The following WDPCP variants were observed in gnomAD, a reference collection of about 807,000 sequenced individuals.
WDPCP encodes WD repeat-containing and planar cell polarity effector protein fritz homolog.
In WDPCP, 71 loss-of-function variants were observed where a neutral mutation model predicts 93.1. That is an observed-to-expected ratio of 0.76 (90% confidence interval 0.63 to 0.93). The LOEUF is 0.93. Ranked by LOEUF, WDPCP falls within the 40% of genes least tolerant of loss-of-function variation. WDPCP has a pLI of 0.00. For missense variants in WDPCP, 844 were observed against 887.4 expected (o/e 0.95, Z 0.62); for synonymous variants, 315 against 315.0 (o/e 1.00, Z 0.00).
At chr2:63,329,074 A>G (rs1354795220) in intron 12 of WDPCP, among the ~76,000 whole-genome samples, 1 of 152,192 alleles carries the variant, frequency 6.6e-6, no homozygotes, top group Non-Finnish European at 1.5e-5. Flanking sequence ...CCCTATTAGC[A>G]AATTTTTAAG....
intron 2 of WDPCP, among the ~76,000 whole-genome samples, chr2:63,693,130 G>A (rs1030358714): frequency 6.6e-6 from 1 of 152,256 alleles, no homozygotes; most frequent in East Asian, 1.9e-4. Flanking sequence ...AATTCCAGTG[G>A]TCTTCCATGC....
chr2:63,652,616 T>A (rs896281576), intron 2 of WDPCP, among the ~76,000 whole-genome samples: 1 of 152,218 alleles, frequency 6.6e-6, no homozygotes, highest in South Asian at 2.1e-4. Context: ...GCTTGATCAC[T>A]TCTAAAATGT....
intron 15 of WDPCP, among the ~76,000 whole-genome samples, chr2:63,157,816 T>C (rs1672360667): frequency 6.6e-6 from 1 of 152,136 alleles, no homozygotes. Flanking sequence ...GTTGATCTTT[T>C]CAAACAGGCT....
Position 63,356,896 on chromosome 2 carries a change from TA to T in WDPCP, c.1748+21489del, listed in dbSNP as rs547365582. Among the ~76,000 whole-genome samples, 25 of 152,198 alleles carry T rather than the reference TA, an allele frequency of 1.6e-4. No individual in the cohort carries two copies. In the East Asian group the frequency reaches 4.8e-3, roughly 29 times the overall value. ...AAGTATACTACAGGGCTATAGTAAC[TA>T]AAACAGCGTGCTACTGGTATAAAAA... On this transcript the variant is annotated intron_variant, in intron 12 of 17. Coordinates refer to ENST00000272321, the MANE Select transcript of WDPCP (RefSeq NM_015910.7).
chr2:63,266,049 C>G (rs547541836), intron 13 of WDPCP, among the ~76,000 whole-genome samples: 31 of 152,250 alleles, frequency 2.0e-4, no homozygotes, highest in African/African-American at 7.5e-4. Flanking sequence ...CAGCTAATGT[C>G]ATACTCATTT....
chr2:63,734,906 C>CAGACAGAT (rs1553453384), intron 2 of WDPCP, among the ~76,000 whole-genome samples: 749 of 147,968 alleles, frequency 5.1e-3, no homozygotes, highest in Middle Eastern at 0.021. Context: ...GACAGACAGA[C>CAGACAGAT]AGATAGATAG....
At chr2:63,589,551 G>T (rs576305874), upstream of WDPCP, among the ~76,000 whole-genome samples, 1 of 152,250 alleles carries the variant, frequency 6.6e-6, no homozygotes, top group East Asian at 1.9e-4. Context: ...ACGTGTTTCC[G>T]CCATATCTAA....
chr2:63,693,440 T>TAGATAGATAGAC (rs1235052772), intron 2 of WDPCP, among the ~76,000 whole-genome samples: 1 of 15,348 alleles, frequency 6.5e-5, no homozygotes. Context: ...ATATAGATAT[T>TAGATAGATAGAC]AGATAGATAG....
At chr2:63,445,589 A>G (rs1363249183) in intron 6 of WDPCP, among the ~76,000 whole-genome samples, 1 of 152,222 alleles carries the variant, frequency 6.6e-6, no homozygotes, top group East Asian at 1.9e-4. Context: ...GACAAAAAAG[A>G]AAAAGAGCAC....
intron 13 of WDPCP, among the ~76,000 whole-genome samples, chr2:63,267,013 C>A (rs1480776279): frequency 6.6e-6 from 1 of 151,790 alleles, no homozygotes; most frequent in Non-Finnish European, 1.5e-5. Context: ...CCAGATAATA[C>A]CCTAGAGAGC....
chr2:63,671,483 C>T (rs1370225323), intron 2 of WDPCP, among the ~76,000 whole-genome samples: 4 of 152,096 alleles, frequency 2.6e-5, no homozygotes, highest in East Asian at 1.9e-4. Flanking sequence ...CTTTATTAGC[C>T]GATGCTCACC....
intron 14 of WDPCP, among the ~76,000 whole-genome samples, chr2:63,247,845 C>A (rs1462065885): frequency 6.6e-6 from 1 of 151,748 alleles, no homozygotes; most frequent in Non-Finnish European, 1.5e-5. Flanking sequence ...TTTTGTTACT[C>A]ATTTCCTCCA....
intron 14 of WDPCP, among the ~76,000 whole-genome samples, chr2:63,218,455 CTTAAAG>C (rs1303299288): frequency 1.3e-5 from 2 of 152,060 alleles, no homozygotes; most frequent in Non-Finnish European, 2.9e-5. Flanking sequence ...TGTTTAATAT[CTTAAAG>C]TTAAATTGGA....
chr2:63,435,036 T>C (rs1278856796), intron 8 of WDPCP, among the ~76,000 whole-genome samples: 1 of 152,184 alleles, frequency 6.6e-6, no homozygotes, highest in Non-Finnish European at 1.5e-5. Context: ...AGGAACCCTT[T>C]TCTATTTGCA....
At chr2:63,623,510 G>GAA (rs1298405445) in intron 3 of WDPCP, among the ~76,000 whole-genome samples, 4 of 124,930 alleles carry the variant, frequency 3.2e-5, no homozygotes, top group Non-Finnish European at 3.5e-5. Context: ...ATGGAAAGCA[G>GAA]AAAAAAAAAA....
rs988400082 is a variant in WDPCP, at chr2:63,119,952, G to A, written c.*2054C>T. On this transcript the variant is annotated 3_prime_UTR_variant, in exon 18 of 18. Transcript: ENST00000272321. ...GTTTTCTGTACATTTAACTTTTCTA[G>A]AGGTATGTGAAGTGGGGAAAATGGG... Among the ~76,000 whole-genome samples, 1 of 152,080 alleles carries A rather than the reference G, an allele frequency of 6.6e-6. No homozygotes were observed. The highest frequency in any genetic ancestry group is 2.4e-5 in the African/African-American group (1 of 41,404).
intron 12 of WDPCP, chr2:63,378,038 C>T (rs1575272638): frequency 4.2e-6 from 1 of 238,956 alleles, no homozygotes; most frequent in East Asian, 9.8e-5. Flanking sequence ...TGTCTCAGAG[C>T]TTTACAGAAC....
intron 3 of WDPCP, chr2:63,606,126 A>T (rs972206425): frequency 8.6e-7 from 1 of 1,158,896 alleles, no homozygotes; most frequent in Non-Finnish European, 1.3e-6. Flanking sequence ...TCACGCCTAT[A>T]ATCCCAACAC....
rs548616923 is a variant in WDPCP at position 63,404,693 on chromosome 2, T to C, written c.826-36A>G. 6.2e-6 allele frequency: 10 copies of C among 1,612,252 alleles called. No homozygotes were observed. The South Asian group carries it at 1.1e-4, about 18-fold the overall frequency. The stretch of plus-strand genomic sequence containing the variant: ...ATATATCAAGTACATTCAGATAAAC[T>C]TTGGTTTTTCTTCAACTTCACACCT... On this transcript the variant is annotated intron_variant, in intron 9 of 17. Coordinates refer to ENST00000272321, the MANE Select transcript of WDPCP (RefSeq NM_015910.7).
Sources: allele counts gnomAD v4.1 joint callset (sites outside exome capture counted in the v4.1 genomes callset), GRCh38; gene constraint gnomAD v4.1.1; transcripts MANE v1.5; gene names NCBI Gene and HGNC (gene_info 2026-07-23, HGNC 2026-07-21).